Variants in ADAMTS17 observed in about 807,000 individuals in gnomAD.
ADAMTS17 encodes the protein A disintegrin and metalloproteinase with thrombospondin motifs 17.
A neutral mutation model predicts 141.5 loss-of-function variants in ADAMTS17; 113 were observed. The ratio of observed to expected loss-of-function variants is 0.80; its 90% CI spans 0.69 to 0.93. The LOEUF (loss-of-function observed/expected upper bound fraction) is 0.93. Among genes scored for constraint, ADAMTS17 ranks in the 40% least tolerant of loss-of-function variants. The pLI is 0.00. For synonymous variants in ADAMTS17, 768 were observed against 630.6 expected, an observed-to-expected ratio of 1.22 and a Z score of -3.27; for missense variants, 1,659 against 1,517.9, an observed-to-expected ratio of 1.09 and a Z score of -1.54.
intron 7 of ADAMTS17, among the ~76,000 whole-genome samples, chr15:100,238,635 A>C (rs2042733312): frequency 6.6e-6 from 1 of 152,178 alleles, no homozygotes; most frequent in African/African-American, 2.4e-5. Context: ...GGCAGACAAG[A>C]CCAGAGTTAA....
At chr15:100,311,561 T>C (rs1055924128) in intron 3 of ADAMTS17, among the ~76,000 whole-genome samples, 3 of 152,120 alleles carry the variant, frequency 2.0e-5, no homozygotes, top group Admixed American at 6.5e-5. Flanking sequence ...GGGGCGGGCG[T>C]GTGTTGCATA....
intron 18 of ADAMTS17, among the ~76,000 whole-genome samples, chr15:100,034,431 A>G (rs956211996): frequency 6.6e-6 from 1 of 152,218 alleles, no homozygotes; most frequent in Non-Finnish European, 1.5e-5. Context: ...CTGGCCGGCC[A>G]ACAAGGAGGC....
chr15:100,221,114 C>A (rs1055392877), intron 7 of ADAMTS17, among the ~76,000 whole-genome samples: 27 of 152,076 alleles, frequency 1.8e-4, no homozygotes, highest in African/African-American at 6.0e-4. Context: ...CAATTTAATA[C>A]CACCAGTTTG....
intron 14 of ADAMTS17, among the ~76,000 whole-genome samples, chr15:100,105,517 C>T (rs1378092601): frequency 6.6e-6 from 1 of 152,082 alleles, no homozygotes; most frequent in Non-Finnish European, 1.5e-5. Flanking sequence ...CCCATCACAT[C>T]TGCAATGGAC....
At chr15:100,098,068 T>TAA (rs964620081) in intron 14 of ADAMTS17, among the ~76,000 whole-genome samples, 22 of 152,094 alleles carry the variant, frequency 1.4e-4, no homozygotes, top group Admixed American at 1.1e-3. Context: ...AAAGTTAGTA[T>TAA]AAAAAGAGGA....
intron 15 of ADAMTS17, among the ~76,000 whole-genome samples, chr15:100,090,518 G>A (rs2035390245): frequency 6.6e-6 from 1 of 152,130 alleles, no homozygotes; most frequent in African/African-American, 2.4e-5. Context: ...GCTTAACTTT[G>A]CCACAGGATG....
rs1305920376 is a variant in ADAMTS17, at chr15:100,071,644, C to T, written c.2138-17590G>A. ...AACGTAATCCATCATGAAAACAGAA[C>T]CAAAGACAAAAACCACATGATTATC... On this transcript the variant is annotated intron_variant, in intron 15 of 21. Transcript: ENST00000268070. Among the ~76,000 whole-genome samples the T allele has an allele frequency of 2.7e-5, 4 of 150,252 alleles. 1 individual carries two copies. Among genetic ancestry groups the T allele is most frequent in the African/African-American group, 9.8e-5 (4 of 40,636 alleles).
rs539059218 is a variant in ADAMTS17 at position 100,162,400 on chromosome 15, G to T, written c.1182-7080C>A. 1.2e-4 allele frequency among the ~76,000 whole-genome samples: 17 copies of T among 145,010 alleles called. No homozygotes were observed. In the East Asian group the frequency reaches 3.4e-3, roughly 29 times the overall value. On this transcript the variant is annotated intron_variant, in intron 8 of 21. Transcript: ENST00000268070. ...ATGTTATATATATAACTATCTATAT[G>T]TGTATATATGTGTATATATAACTAT... is the stretch of plus-strand genomic sequence containing the variant.
chr15:100,079,235 G>A (rs11853226), intron 15 of ADAMTS17, among the ~76,000 whole-genome samples: 23,726 of 152,084 alleles, frequency 0.16, 3,588 homozygotes, highest in African/African-American at 0.4. Flanking sequence ...TGTCCACATG[G>A]TAACTCGTAC....
intron 6 of ADAMTS17, chr15:100,256,635 G>A (rs918715452): frequency 1.3e-5 from 2 of 152,346 alleles, no homozygotes; most frequent in Non-Finnish European, 2.9e-5. Flanking sequence ...CGAGGAGTTA[G>A]ATGGTATTAT....
intron 7 of ADAMTS17, among the ~76,000 whole-genome samples, chr15:100,237,771 A>G (rs1335195376): frequency 6.6e-6 from 1 of 152,174 alleles, no homozygotes; most frequent in Non-Finnish European, 1.5e-5. Context: ...TTATAGGCAC[A>G]TGCCACCACG....
chr15:99,978,730 G>C (rs2060420215), intron 20 of ADAMTS17: 1 of 152,268 alleles, frequency 6.6e-6, no homozygotes, highest in Non-Finnish European at 1.5e-5. Context: ...GGGCACCTTG[G>C]AGGAAGCTGG....
intron 18 of ADAMTS17, among the ~76,000 whole-genome samples, chr15:100,045,211 C>T (rs56245316): frequency 0.076 from 11,543 of 151,740 alleles, 1,407 homozygotes; most frequent in African/African-American, 0.25. Context: ...TCATTTGGGA[C>T]GATTATAATC....
intron 6 of ADAMTS17, among the ~76,000 whole-genome samples, chr15:100,260,636 C>CA (rs1455430777): frequency 3.3e-5 from 5 of 150,332 alleles, no homozygotes; most frequent in East Asian, 2.0e-4. Context: ...AACCAAAAAA[C>CA]AAAAAACAAA....
Position 100,148,013 on chromosome 15 carries a change from G to A in ADAMTS17, c.1473+4599C>T, listed in dbSNP as rs550479479. Among the ~76,000 whole-genome samples the A allele has an allele frequency of 2.0e-4, 30 of 152,236 alleles. 1 individual carries two copies. The South Asian group carries it at 2.3e-3, about 12-fold the overall frequency. ...CATAGCCCCTTCCTTGCATCACTCC[G>A]ACTTCATGCTTCTATTGCTACATCT... On this transcript the variant is annotated intron_variant, in intron 10 of 21. Transcript: ENST00000268070.
chr15:100,079,322 T>C (rs1484685949), intron 15 of ADAMTS17, among the ~76,000 whole-genome samples: 1 of 152,186 alleles, frequency 6.6e-6, no homozygotes, highest in Non-Finnish European at 1.5e-5. Context: ...CCAATGACTG[T>C]ATTTATACAA....
intron 8 of ADAMTS17, among the ~76,000 whole-genome samples, chr15:100,177,492 A>G (rs1019457095): frequency 2.0e-5 from 3 of 152,180 alleles, no homozygotes; most frequent in African/African-American, 7.2e-5. Context: ...TGATTCCATT[A>G]TAAGGTCAGA....
At chr15:100,261,207 G>A (rs2043504197) in intron 6 of ADAMTS17, among the ~76,000 whole-genome samples, 1 of 152,182 alleles carries the variant, frequency 6.6e-6, no homozygotes, top group African/African-American at 2.4e-5. Flanking sequence ...TATAGGAAGA[G>A]GGAAGTCTGG....
chr15:100,212,890 A>G (rs2041854104), intron 7 of ADAMTS17, among the ~76,000 whole-genome samples: 2 of 152,138 alleles, frequency 1.3e-5, no homozygotes, highest in African/African-American at 2.4e-5. Flanking sequence ...AAGGTAATGC[A>G]TAGGGTGACG....
Sources: gnomAD v4.1 joint callset for allele counts (sites outside exome capture counted in the v4.1 genomes callset) on GRCh38, gnomAD v4.1.1 for gene constraint, MANE v1.5 for transcripts, NCBI Gene and HGNC (gene_info 2026-07-23, HGNC 2026-07-21) for gene names.